Variants in SCMH1 observed in about 807,000 individuals in gnomAD.
The protein encoded by SCMH1 is Scm polycomb group protein homolog 1.
In SCMH1, 37 loss-of-function variants were observed where a neutral mutation model predicts 70.8. The ratio of observed to expected loss-of-function variants is 0.52; its 90% CI spans 0.40 to 0.69. SCMH1 has a LOEUF of 0.69. Ranked by LOEUF, SCMH1 falls within the 30% of genes least tolerant of loss-of-function variation. The pLI is 0.00. For missense variants in SCMH1, 607 were observed against 827.3 expected, an observed-to-expected ratio of 0.73 and a Z score of 3.27; for synonymous variants, 292 against 307.4, an observed-to-expected ratio of 0.95 and a Z score of 0.52.
chr1:41,157,063 C>T (rs1419966895), intron 4 of SCMH1, among the ~76,000 whole-genome samples: 1 of 151,660 alleles, frequency 6.6e-6, no homozygotes, highest in Non-Finnish European at 1.5e-5. Context: ...AAGCAACCCT[C>T]CCCGCTCAGT....
At chr1:41,033,297 AAGG>A (rs945000306) in intron 13 of SCMH1, among the ~76,000 whole-genome samples, 5 of 152,104 alleles carry the variant, frequency 3.3e-5, no homozygotes, top group African/African-American at 4.8e-5. Flanking sequence ...AAAAAAAAAA[AAGG>A]AGGCCATTAT....
intron 6 of SCMH1, among the ~76,000 whole-genome samples, chr1:41,133,987 G>T (rs1572464276): frequency 6.6e-6 from 1 of 152,098 alleles, no homozygotes; most frequent in East Asian, 1.9e-4. Context: ...CAAAAAAACA[G>T]AATTTTAGAC....
At chr1:41,155,621 G>C (rs535947074) in intron 4 of SCMH1, among the ~76,000 whole-genome samples, 143 of 152,224 alleles carry the variant, frequency 9.4e-4, no homozygotes, top group African/African-American at 3.2e-3. Context: ...ATAAAAGTAA[G>C]AGGTAAAGAA....
chr1:41,103,828 G>A (rs1667204785), intron 8 of SCMH1, among the ~76,000 whole-genome samples: 1 of 151,480 alleles, frequency 6.6e-6, no homozygotes, highest in Non-Finnish European at 1.5e-5. Flanking sequence ...TGGAATGGGA[G>A]TTTTTTTTTC....
intron 8 of SCMH1, 33 bp from the exon 9 acceptor site, chr1:41,075,484 C>A: frequency 6.4e-7 from 1 of 1,559,538 alleles, no homozygotes; most frequent in South Asian, 1.1e-5. Context: ...ATCACCCTCC[C>A]TCCCCCCTGC....
chr1:41,100,074 T>C (rs982994423), intron 8 of SCMH1, among the ~76,000 whole-genome samples: 1 of 152,160 alleles, frequency 6.6e-6, no homozygotes, highest in African/African-American at 2.4e-5. Flanking sequence ...TGATTATATA[T>C]AAATGAGTGA....
intron 1 of SCMH1, among the ~76,000 whole-genome samples, chr1:41,235,282 T>C (rs1430902494): frequency 4.6e-5 from 7 of 152,108 alleles, no homozygotes; most frequent in South Asian, 2.1e-4. Context: ...CCCTGTATTA[T>C]GCTCATAACA....
At chr1:41,216,273 GA>G (rs1312089258) in intron 1 of SCMH1, among the ~76,000 whole-genome samples, 1 of 152,276 alleles carries the variant, frequency 6.6e-6, no homozygotes, top group East Asian at 1.9e-4. Context: ...CGGCACTAAA[GA>G]AAATCCAAAT....
intron 8 of SCMH1, among the ~76,000 whole-genome samples, chr1:41,087,036 A>G (rs183435124): frequency 1.5e-4 from 23 of 152,306 alleles, no homozygotes; most frequent in Admixed American, 1.2e-3. Flanking sequence ...TGGTACACCA[A>G]TGGACAGGCA....
At chr1:41,128,231 A>C (rs367969871) in intron 6 of SCMH1, among the ~76,000 whole-genome samples, 40 of 152,158 alleles carry the variant, frequency 2.6e-4, no homozygotes, top group African/African-American at 9.4e-4. Flanking sequence ...TGTACACTAC[A>C]AATTTTATTA....
At chr1:41,180,635 T>C (rs1278626954) in intron 2 of SCMH1, among the ~76,000 whole-genome samples, 2 of 152,118 alleles carry the variant, frequency 1.3e-5, no homozygotes, top group Non-Finnish European at 2.9e-5. Context: ...GAATCCAACT[T>C]ACAAGGGACG....
In SCMH1 at chr1:41,126,649, C is replaced by T. The variant is rs947690758; in HGVS notation, c.413-9639G>A. Among the ~76,000 whole-genome samples, 4 of 151,980 alleles carry T rather than the reference C, an allele frequency of 2.6e-5. No homozygotes were observed. The East Asian group carries it at 7.7e-4, about 29-fold the overall frequency. ...TCCCCTTCTCTTTCCCAAAAGTTAGCGTATTATATATACTTTCTGCAACTT... is the reference window on the plus strand; with the variant it reads ...TCCCCTTCTCTTTCCCAAAAGTTAGTGTATTATATATACTTTCTGCAACTT... On this transcript the variant is annotated intron_variant, in intron 6 of 14. Transcript: ENST00000337495.
At chr1:41,235,569 TAAAAAA>T (rs61093555) in intron 1 of SCMH1, among the ~76,000 whole-genome samples, 1,138 of 43,030 alleles carry the variant, frequency 0.026, 11 homozygotes, top group African/African-American at 0.058. Context: ...AGACTCCGTC[TAAAAAA>T]AAAAAAAAAA....
rs374161477 is a variant in SCMH1, at chr1:41,046,606, G to A, written c.1307-8C>T. 5.6e-6 allele frequency: 9 copies of A among 1,613,184 alleles called. No homozygotes were observed. The highest frequency in any genetic ancestry group is 7.6e-6 in the Non-Finnish European group (9 of 1,179,326). On this transcript the variant is annotated splice_region_variant and splice_polypyrimidine_tract_variant and intron_variant, in intron 11 of 14. Coordinates refer to ENST00000337495, the Ensembl canonical transcript of SCMH1. ...GTTCCCGGTCAAACACGGCTGTGGA[G>A]TGAGTAAACAGGGCCAAGCATGTCA...
intron 8 of SCMH1, among the ~76,000 whole-genome samples, chr1:41,094,775 G>C (rs1471620497): frequency 6.6e-6 from 1 of 151,842 alleles, no homozygotes; most frequent in African/African-American, 2.4e-5. Flanking sequence ...TGTAATCCCA[G>C]CTAATCAGGT....
intron 1 of SCMH1, among the ~76,000 whole-genome samples, chr1:41,202,299 G>C (rs1402811118): frequency 1.3e-5 from 2 of 151,650 alleles, no homozygotes; most frequent in Non-Finnish European, 2.9e-5. Flanking sequence ...CTCCCAAAGT[G>C]CTGGGATTAC....
chr1:41,031,525 A>G (rs1479714536), intron 13 of SCMH1, among the ~76,000 whole-genome samples: 1 of 152,172 alleles, frequency 6.6e-6, no homozygotes, highest in African/African-American at 2.4e-5. Context: ...TCAAGCTTAT[A>G]GTTGGGCACT....
intron 6 of SCMH1, among the ~76,000 whole-genome samples, chr1:41,123,526 C>G (rs905754755): frequency 2.0e-5 from 3 of 152,168 alleles, no homozygotes; most frequent in Admixed American, 1.3e-4. Context: ...TACATCAGAT[C>G]CACTCCCAGA....
chr1:41,149,089 C>G (rs1644840865), intron 5 of SCMH1, among the ~76,000 whole-genome samples: 1 of 152,170 alleles, frequency 6.6e-6, no homozygotes. Context: ...CCATGCCCAG[C>G]TGTTATTTTT....
Sources: gnomAD v4.1 joint callset for allele counts (sites outside exome capture counted in the v4.1 genomes callset) on GRCh38, gnomAD v4.1.1 for gene constraint, MANE v1.5 for transcripts, NCBI Gene and HGNC (gene_info 2026-07-23, HGNC 2026-07-21) for gene names.